The following CNOT2 variants were observed in gnomAD, a reference collection of about 807,000 sequenced individuals.
CNOT2 encodes CCR4-NOT transcription complex subunit 2.
Under a neutral mutation model 72.1 loss-of-function variants are expected in CNOT2, and 7 were observed. That is an observed-to-expected ratio of 0.10 (90% confidence interval 0.06 to 0.18). The LOEUF is 0.18. Among genes scored for constraint, CNOT2 ranks in the 10% least tolerant of loss-of-function variants. The pLI is 1.00. For missense variants in CNOT2, 345 were observed against 660.3 expected, an observed-to-expected ratio of 0.52 and a Z score of 5.23; for synonymous variants, 196 against 225.6, an observed-to-expected ratio of 0.87 and a Z score of 1.17.
At chr12:70,294,000 G>A (rs1872412899) in intron 2 of CNOT2, 1 of 597,064 alleles carries the variant, frequency 1.7e-6, no homozygotes, top group Non-Finnish European at 2.8e-6. Flanking sequence ...TAATGAAGAG[G>A]TGAACAGGGA....
chr12:70,321,011 T>C (rs1254205117), intron 4 of CNOT2, among the ~76,000 whole-genome samples: 1 of 151,852 alleles, frequency 6.6e-6, no homozygotes, highest in Admixed American at 6.6e-5. Context: ...CAAAGATTAA[T>C]ACATGAGAAA....
chr12:70,294,443 ATTAT>A (rs970170879), intron 2 of CNOT2: 3 of 430,798 alleles, frequency 7.0e-6, no homozygotes, highest in Non-Finnish European at 7.8e-6. Context: ...AAACTCATAA[ATTAT>A]TTAAAAAATA....
chr12:70,267,066 T>C (rs554495390), intron 1 of CNOT2, among the ~76,000 whole-genome samples: 18 of 152,302 alleles, frequency 1.2e-4, no homozygotes, highest in Admixed American at 1.1e-3. Context: ...TTTAGTATAT[T>C]CTTTGTGTAT....
At chr12:70,268,988 AC>A (rs1959170155) in intron 1 of CNOT2, among the ~76,000 whole-genome samples, 1 of 152,084 alleles carries the variant, frequency 6.6e-6, no homozygotes, top group Non-Finnish European at 1.5e-5. Flanking sequence ...TTAACATCTC[AC>A]CCATCATTTT....
At chr12:70,274,197 A>T (rs1160351478) in intron 1 of CNOT2, among the ~76,000 whole-genome samples, 1 of 152,068 alleles carries the variant, frequency 6.6e-6, no homozygotes, top group Non-Finnish European at 1.5e-5. Context: ...TTTTTAAAAC[A>T]TCCATGTGAT....
chr12:70,300,555 C>T (rs186049454), intron 2 of CNOT2, among the ~76,000 whole-genome samples: 65 of 152,278 alleles, frequency 4.3e-4, no homozygotes, highest in African/African-American at 1.5e-3. Flanking sequence ...TTTCTGAGGG[C>T]TCTGTTCTGT....
intron 1 of CNOT2, among the ~76,000 whole-genome samples, chr12:70,275,169 TA>T (rs1868555254): frequency 6.6e-6 from 1 of 152,016 alleles, no homozygotes. Context: ...TTTTCTTTTC[TA>T]TACTTTAAAT....
At chr12:70,284,519 T>C (rs1870517456) in intron 2 of CNOT2, among the ~76,000 whole-genome samples, 1 of 152,068 alleles carries the variant, frequency 6.6e-6, no homozygotes, top group Non-Finnish European at 1.5e-5. Flanking sequence ...AGTGTTGGAA[T>C]TACAGGCATG....
chr12:70,308,586 A>ACT (rs1875894929), intron 2 of CNOT2, among the ~76,000 whole-genome samples: 4 of 134,308 alleles, frequency 3.0e-5, no homozygotes, highest in African/African-American at 9.5e-5. Context: ...TCTCTCTCTC[A>ACT]CACACACACA....
At chr12:70,288,715 A>G (rs892099893) in intron 2 of CNOT2, among the ~76,000 whole-genome samples, 4 of 152,148 alleles carry the variant, frequency 2.6e-5, no homozygotes. Context: ...TTAGTATTTT[A>G]TGGAGTGATT....
At position 70,346,442 on chromosome 12, in the gene CNOT2, A is replaced by G. The variant is rs1229891574; in HGVS notation, c.1536+118A>G. The stretch of plus-strand genomic sequence containing the variant: ...CCAGTAATGTGCCACATATTTGCCA[A>G]CTGTTTAATTCCATCTCCTTGGCTT... On this transcript the variant is annotated intron_variant, in intron 15 of 15. Coordinates refer to ENST00000229195, the MANE Select transcript of CNOT2 (RefSeq NM_014515.7). 6 of 764,992 alleles carry G rather than the reference A, an allele frequency of 7.8e-6. No individual in the cohort carries two copies. In the Admixed American group the frequency reaches 7.9e-5, roughly 10 times the overall value. The allele number at this position is 764,992 out of a possible 1,614,324, so 47.4% of individuals were successfully genotyped here.
Position 70,310,879 on chromosome 12 carries a change from T to A in CNOT2, c.49-16T>A, listed in dbSNP as rs1446967332. The A allele has an allele frequency of 6.2e-7, 1 of 1,609,280 alleles. No homozygotes were observed. The highest frequency in any genetic ancestry group is 1.7e-5 in the Admixed American group (1 of 59,698). Reference sequence around the variant, plus strand: ...TCCAAAGTATTACCCCTGATAAAAGTAATATTTTTGTTTAGGTGACAAACA... The same window carrying A: ...TCCAAAGTATTACCCCTGATAAAAGAAATATTTTTGTTTAGGTGACAAACA... On this transcript the variant is annotated splice_polypyrimidine_tract_variant and intron_variant, in intron 2 of 15. Transcript: ENST00000229195.
chr12:70,253,421 T>G (rs1958250220), intron 1 of CNOT2, among the ~76,000 whole-genome samples: 1 of 152,220 alleles, frequency 6.6e-6, no homozygotes, highest in Non-Finnish European at 1.5e-5. Context: ...GAGCAAAAAT[T>G]GCAAAAATCC....
chr12:70,277,530 A>T, intron 1 of CNOT2, among the ~76,000 whole-genome samples: 1 of 152,162 alleles, frequency 6.6e-6, no homozygotes, highest in Non-Finnish European at 1.5e-5. Context: ...AGACAAAAGC[A>T]TCAAAGGAAG....
chr12:70,270,772 G>A (rs563274606), intron 1 of CNOT2, among the ~76,000 whole-genome samples: 2 of 152,150 alleles, frequency 1.3e-5, no homozygotes, highest in Non-Finnish European at 2.9e-5. Flanking sequence ...TCTCCACCAG[G>A]TTAGTTATAT....
chr12:70,301,220 C>G (rs987607536), intron 2 of CNOT2, among the ~76,000 whole-genome samples: 3 of 152,166 alleles, frequency 2.0e-5, no homozygotes, highest in Non-Finnish European at 4.4e-5. Flanking sequence ...ATTTCCTTCT[C>G]CTGCCTGATT....
chr12:70,288,064 C>T (rs1337163417), intron 2 of CNOT2, among the ~76,000 whole-genome samples: 1 of 148,642 alleles, frequency 6.7e-6, no homozygotes. Context: ...TTTTGCTTAC[C>T]ATAAATAACA....
chr12:70,338,499 A>C lies in CNOT2; in HGVS notation c.957A>C (p.Gly319=). The change falls in exon 10 of 16, where the codon GGA becomes GGC. Residue 319 remains glycine, a synonymous_variant. Transcript: ENST00000229195. ...TSSTDGPKFP[G]DKSSTTQNNN... ...GTACAGATGGACCCAAATTCCCTGG[A>C]GATAAAAGTTCAACAACACAAAATA... The C allele has an allele frequency of 6.2e-7, 1 of 1,613,332 alleles. No individual in the cohort carries two copies. The highest frequency in any genetic ancestry group is 8.5e-7 in the Non-Finnish European group (1 of 1,179,548).
chr12:70,312,887 G>A (rs1358729849), intron 3 of CNOT2, among the ~76,000 whole-genome samples: 1 of 151,786 alleles, frequency 6.6e-6, no homozygotes, highest in African/African-American at 2.4e-5. Context: ...TACACTTGAA[G>A]AAAAATTACC....
Sources: gnomAD v4.1 joint callset for allele counts (sites outside exome capture counted in the v4.1 genomes callset) on GRCh38, gnomAD v4.1.1 for gene constraint, MANE v1.5 for transcripts, NCBI Gene and HGNC (gene_info 2026-07-23, HGNC 2026-07-21) for gene names.